Variants in ZFPM2 observed in about 807,000 individuals in gnomAD.
ZFPM2 encodes zinc finger protein ZFPM2.
ZFPM2 carries 20 observed loss-of-function variants against 98.6 expected under a neutral mutation model. The observed-to-expected ratio is 0.20, with a 90% CI of 0.14 to 0.29. ZFPM2 has a LOEUF of 0.29. ZFPM2 is among the 10% of genes least tolerant of loss of function. The pLI, the probability that ZFPM2 is intolerant of heterozygous loss-of-function variation, is 1.00. For synonymous variants in ZFPM2, 518 were observed against 502.7 expected (o/e 1.03, Z -0.41); for missense variants, 1,310 against 1,388.6 (o/e 0.94, Z 0.90).
intron 5 of ZFPM2, among the ~76,000 whole-genome samples, chr8:105,751,606 A>G (rs1220027555): frequency 2.0e-5 from 3 of 152,092 alleles, no homozygotes; most frequent in Non-Finnish European, 4.4e-5. Context: ...TTTACTGCAA[A>G]ATATGTTTTT....
At position 105,775,077 on chromosome 8, in the gene ZFPM2, T is replaced by TAAA. The variant is rs397968210; in HGVS notation, c.533-13624_533-13622dup. ...AGAAGTTTAATGAGCCTCTTGGAATTAAAAAAAAAAAAAAAAAAAGCAAAA... is the reference window on the plus strand; with the variant it reads ...AGAAGTTTAATGAGCCTCTTGGAATTAAAAAAAAAAAAAAAAAAAAAAGCAAAA... On this transcript the variant is annotated intron_variant, in intron 5 of 7. Coordinates refer to ENST00000407775, the MANE Select transcript of ZFPM2 (RefSeq NM_012082.4). Among the ~76,000 whole-genome samples the TAAA allele has an allele frequency of 2.2e-3, 235 of 104,916 alleles. 1 individual carries two copies. The highest frequency in any genetic ancestry group is 7.2e-3 in the African/African-American group (208 of 29,022). 68.8% of individuals were successfully genotyped at this position (104,916 alleles called of 152,430 possible). A position where few individuals can be genotyped will look rare whatever the true frequency, so the allele number is the denominator to read the frequency against.
At chr8:105,578,682 A>G (rs1449924314) in intron 4 of ZFPM2, among the ~76,000 whole-genome samples, 2 of 152,126 alleles carry the variant, frequency 1.3e-5, no homozygotes, top group East Asian at 1.9e-4. Flanking sequence ...TATTAATACT[A>G]TCTTGGTAAG....
intron 3 of ZFPM2, among the ~76,000 whole-genome samples, chr8:105,550,302 T>C (rs762571599): frequency 6.6e-6 from 1 of 152,158 alleles, no homozygotes; most frequent in Non-Finnish European, 1.5e-5. Flanking sequence ...TATAAATGAA[T>C]CCACTCTAAT....
In ZFPM2 at chr8:105,457,377, T is replaced by G. The variant is rs562644364; in HGVS notation, c.301+12996T>G. Among the ~76,000 whole-genome samples, 3 of 152,314 alleles carry G rather than the reference T, an allele frequency of 2.0e-5. No homozygotes were observed. In the East Asian group the frequency reaches 5.8e-4, roughly 29 times the overall value. ...TGCACCTTGGTAGACCTACATTGAA[T>G]TAATTAATTTAATTAGTTCAAACAT... is the stretch of plus-strand genomic sequence containing the variant. On this transcript the variant is annotated intron_variant, in intron 3 of 7. Coordinates refer to ENST00000407775, the MANE Select transcript of ZFPM2 (RefSeq NM_012082.4).
intron 3 of ZFPM2, among the ~76,000 whole-genome samples, chr8:105,486,431 AT>A (rs527708237): frequency 1.3e-4 from 19 of 150,868 alleles, no homozygotes; most frequent in Non-Finnish European, 2.5e-4. Context: ...GAGTCCATAC[AT>A]TTTTTTTTCC....
In ZFPM2 at chr8:105,434,839, G is replaced by A. The variant is rs74865763; in HGVS notation, c.200-9441G>A. 3.7e-3 allele frequency among the ~76,000 whole-genome samples: 563 copies of A among 152,266 alleles called. 8 individuals carry two copies. Among genetic ancestry groups the A allele is most frequent in the African/African-American group, 0.013 (520 of 41,550 alleles). On this transcript the variant is annotated intron_variant, in intron 2 of 7. Coordinates refer to ENST00000407775, the MANE Select transcript of ZFPM2 (RefSeq NM_012082.4). Reference sequence around the variant, plus strand: ...GATTAAAAGAGCAAGGTTGAGAAGGGCTGTTTGCTTGCATGACTGCTTTCA... The same window carrying A: ...GATTAAAAGAGCAAGGTTGAGAAGGACTGTTTGCTTGCATGACTGCTTTCA...
At chr8:105,637,000 A>G (rs1299314073) in intron 5 of ZFPM2, among the ~76,000 whole-genome samples, 1 of 152,204 alleles carries the variant, frequency 6.6e-6, no homozygotes, top group South Asian at 2.1e-4. Flanking sequence ...CACATGGCTA[A>G]TAAGTGATTG....
At chr8:105,383,034 A>T (rs1299448139) in intron 1 of ZFPM2, among the ~76,000 whole-genome samples, 1 of 152,066 alleles carries the variant, frequency 6.6e-6, no homozygotes, top group Non-Finnish European at 1.5e-5. Context: ...TGGAAAGGGA[A>T]ATAGGTGGTT....
intron 3 of ZFPM2, among the ~76,000 whole-genome samples, chr8:105,446,200 G>A (rs572066389): frequency 2.0e-5 from 3 of 152,166 alleles, no homozygotes; most frequent in Middle Eastern, 3.2e-3. Flanking sequence ...GATTACAGGC[G>A]TGAGCTACCG....
intron 3 of ZFPM2, among the ~76,000 whole-genome samples, chr8:105,448,850 G>C (rs1467774460): frequency 6.6e-6 from 1 of 152,004 alleles, no homozygotes. Flanking sequence ...CCTTACCCTA[G>C]GACTGAACTT....
At chr8:105,353,954 T>C (rs1212177656) in intron 1 of ZFPM2, among the ~76,000 whole-genome samples, 4 of 152,204 alleles carry the variant, frequency 2.6e-5, no homozygotes, top group Admixed American at 2.0e-4. Context: ...CATAAAGAGT[T>C]GGATTGTGGC....
chr8:105,603,659 A>T (rs1464028704), intron 4 of ZFPM2, among the ~76,000 whole-genome samples: 1 of 152,094 alleles, frequency 6.6e-6, no homozygotes, highest in Non-Finnish European at 1.5e-5. Context: ...GACATCACCC[A>T]CCAGTGTGAG....
At chr8:105,631,846 AT>A (rs543016235) in intron 4 of ZFPM2, among the ~76,000 whole-genome samples, 1 of 152,166 alleles carries the variant, frequency 6.6e-6, no homozygotes, top group African/African-American at 2.4e-5. Context: ...ATCACTATCT[AT>A]TTTTTATATT....
intron 1 of ZFPM2, among the ~76,000 whole-genome samples, chr8:105,410,897 G>C (rs1811563352): frequency 6.6e-6 from 1 of 151,470 alleles, no homozygotes; most frequent in Non-Finnish European, 1.5e-5. Flanking sequence ...TTTTTGTTGT[G>C]GTAGCATTTC....
At chr8:105,753,351 G>A (rs1812520709) in intron 5 of ZFPM2, among the ~76,000 whole-genome samples, 1 of 152,026 alleles carries the variant, frequency 6.6e-6, no homozygotes, top group Non-Finnish European at 1.5e-5. Flanking sequence ...CCCACCTATG[G>A]ACAGCTCCTC....
chr8:105,538,792 G>A (rs770009888), intron 3 of ZFPM2, among the ~76,000 whole-genome samples: 6 of 152,032 alleles, frequency 3.9e-5, no homozygotes, highest in Non-Finnish European at 8.8e-5. Context: ...TGGGAAGATC[G>A]CTTGAGCCCA....
At chr8:105,413,941 T>G (rs1811629709) in intron 1 of ZFPM2, among the ~76,000 whole-genome samples, 1 of 151,990 alleles carries the variant, frequency 6.6e-6, no homozygotes, top group Non-Finnish European at 1.5e-5. Context: ...TAGTGGAATT[T>G]CTGTGCACAC....
At chr8:105,664,048 G>A (rs1029125308) in intron 5 of ZFPM2, among the ~76,000 whole-genome samples, 10 of 152,114 alleles carry the variant, frequency 6.6e-5, no homozygotes, top group Non-Finnish European at 1.3e-4. Flanking sequence ...ATGGAAAAGA[G>A]GAGTATTTTA....
At chr8:105,422,020 C>T (rs1811803005) in intron 2 of ZFPM2, among the ~76,000 whole-genome samples, 1 of 128,544 alleles carries the variant, frequency 7.8e-6, no homozygotes, top group African/African-American at 3.2e-5. Context: ...GCACTCTAGC[C>T]TGTGCGACGG....
Sources: allele counts gnomAD v4.1 joint callset (sites outside exome capture counted in the v4.1 genomes callset), GRCh38; gene constraint gnomAD v4.1.1; transcripts MANE v1.5; gene names NCBI Gene and HGNC (gene_info 2026-07-23, HGNC 2026-07-21).